The following CEP128 variants were observed in gnomAD, a reference collection of about 807,000 sequenced individuals.
The protein encoded by CEP128 is centrosomal protein 128, also known as centrosomal protein 128kDa.
In CEP128, 132 loss-of-function variants were observed where a neutral mutation model predicts 156.7. The observed-to-expected ratio is 0.84, with a 90% CI of 0.73 to 0.97. The LOEUF (loss-of-function observed/expected upper bound fraction) is 0.97. Ranked by LOEUF, CEP128 falls within the 50% of genes least tolerant of loss-of-function variation. The pLI is 0.00. For synonymous variants in CEP128, 469 were observed against 448.9 expected, an observed-to-expected ratio of 1.04 and a Z score of -0.57; for missense variants, 1,252 against 1,281.9, an observed-to-expected ratio of 0.98 and a Z score of 0.36.
intron 19 of CEP128, among the ~76,000 whole-genome samples, chr14:80,588,518 C>A (rs558160081): frequency 2.0e-5 from 3 of 152,042 alleles, no homozygotes; most frequent in Non-Finnish European, 2.9e-5. Context: ...ACATACAAAA[C>A]TTTTGACAGT....
chr14:80,631,057 T>C (rs1265843058), intron 19 of CEP128, among the ~76,000 whole-genome samples: 1 of 151,990 alleles, frequency 6.6e-6, no homozygotes, highest in South Asian at 2.1e-4. Flanking sequence ...TAATTCCACT[T>C]GGAGGAATGT....
chr14:80,647,430 T>C (rs891435795), intron 19 of CEP128, among the ~76,000 whole-genome samples: 1 of 152,002 alleles, frequency 6.6e-6, no homozygotes, highest in Admixed American at 6.6e-5. Flanking sequence ...CGTACATACA[T>C]GGTTTTGAAA....
chr14:80,536,092 A>G (rs1889470867), intron 21 of CEP128, among the ~76,000 whole-genome samples: 1 of 152,232 alleles, frequency 6.6e-6, no homozygotes, highest in African/African-American at 2.4e-5. Context: ...GTTCCACAGT[A>G]CATTTTTCCT....
Position 80,777,936 on chromosome 14 carries a change from C to A in CEP128, c.2322G>T (p.Glu774Asp). 1 of 1,611,004 alleles carries A rather than the reference C, an allele frequency of 6.2e-7. No individual in the cohort carries two copies. Among genetic ancestry groups the A allele is most frequent in the Non-Finnish European group, 8.5e-7 (1 of 1,178,390 alleles). Residue 774 changes from glutamate to aspartate, a missense_variant, in exon 16 of 25, where the codon GAG (glutamate) becomes GAT (aspartate). Coordinates refer to ENST00000555265, the MANE Select transcript of CEP128 (RefSeq NM_152446.5). ...GATATTTTAGCTTCAGTTTTTTGTT[C>A]TCATTTTCATTCTGGGTTAATTCCT... ...LTEELTQNEN[E>D]NKKLKLKYQC...
At chr14:80,853,487 T>C (rs1886996940) in intron 9 of CEP128, among the ~76,000 whole-genome samples, 1 of 149,964 alleles carries the variant, frequency 6.7e-6, no homozygotes, top group Non-Finnish European at 1.5e-5. Context: ...TACCCCTGTA[T>C]ACTAAAAATA....
rs71103882 is a variant in CEP128, at chr14:80,801,910, C to CAAAAAAAAAAAAAAAAAAAAAAAAA, written c.1210-8825_1210-8801dup. ...GTGACAGTGTGAGACTCTGTCTCCCCAAAAAAAAAAAAAAAAAAAAAAAAA... is the reference window on the plus strand; with the variant it reads ...GTGACAGTGTGAGACTCTGTCTCCCCAAAAAAAAAAAAAAAAAAAAAAAAAAAAAAAAAAAAAAAAAAAAAAAAAA... On this transcript the variant is annotated intron_variant, in intron 13 of 24. Coordinates refer to ENST00000555265, the MANE Select transcript of CEP128 (RefSeq NM_152446.5). 9.2e-5 allele frequency among the ~76,000 whole-genome samples: 4 copies of CAAAAAAAAAAAAAAAAAAAAAAAAA among 43,374 alleles called. 2 individuals carry two copies. The highest frequency in any genetic ancestry group is 2.3e-4 in the African/African-American group (2 of 8,772). The allele number at this position is 43,374 out of a possible 152,430, so 28.5% of individuals were successfully genotyped here.
At chr14:80,722,457 C>T (rs1221363914) in intron 19 of CEP128, among the ~76,000 whole-genome samples, 2 of 151,954 alleles carry the variant, frequency 1.3e-5, no homozygotes, top group Non-Finnish European at 2.9e-5. Context: ...AATCCATACA[C>T]ATATACACTA....
At chr14:80,553,974 G>C (rs1439106317) in intron 21 of CEP128, among the ~76,000 whole-genome samples, 1 of 152,128 alleles carries the variant, frequency 6.6e-6, no homozygotes, top group Non-Finnish European at 1.5e-5. Context: ...TCAGTGCTAA[G>C]GTGATTTACC....
intron 19 of CEP128, among the ~76,000 whole-genome samples, chr14:80,649,332 T>A (rs1460776102): frequency 6.6e-6 from 1 of 151,968 alleles, no homozygotes; most frequent in Non-Finnish European, 1.5e-5. Flanking sequence ...ACAATCTCAC[T>A]TGTTAAAGAA....
intron 19 of CEP128, among the ~76,000 whole-genome samples, chr14:80,601,366 G>T (rs1412782912): frequency 6.6e-6 from 1 of 152,060 alleles, no homozygotes; most frequent in Non-Finnish European, 1.5e-5. Context: ...CAATCTTTTG[G>T]CTTCCCTGGG....
At chr14:80,634,705 T>C (rs1188209372) in intron 19 of CEP128, among the ~76,000 whole-genome samples, 1 of 152,150 alleles carries the variant, frequency 6.6e-6, no homozygotes, top group Non-Finnish European at 1.5e-5. Flanking sequence ...CCCCCACTTT[T>C]CCCTATTCTC....
chr14:80,790,022 T>A (rs1432304275), intron 14 of CEP128, among the ~76,000 whole-genome samples: 1 of 152,118 alleles, frequency 6.6e-6, no homozygotes, highest in East Asian at 1.9e-4. Context: ...TTGGCACTGA[T>A]CCTTCTTACT....
At chr14:80,743,472 T>C (rs1010674420) in intron 18 of CEP128, among the ~76,000 whole-genome samples, 3 of 152,204 alleles carry the variant, frequency 2.0e-5, no homozygotes, top group Non-Finnish European at 2.9e-5. Context: ...ATGGTATTCG[T>C]AGATTTTTAA....
chr14:80,709,055 C>T (rs973347367), intron 19 of CEP128, among the ~76,000 whole-genome samples: 2 of 150,394 alleles, frequency 1.3e-5, no homozygotes, highest in East Asian at 2.0e-4. Context: ...TGGTAGCTCA[C>T]GCCTGTAATA....
intron 9 of CEP128, among the ~76,000 whole-genome samples, chr14:80,841,803 A>G (rs751562214): frequency 6.6e-6 from 1 of 151,984 alleles, no homozygotes; most frequent in Admixed American, 6.6e-5. Flanking sequence ...TTGAAATAAT[A>G]ATACCAAACT....
chr14:80,666,098 A>G (rs1895602252), intron 19 of CEP128, among the ~76,000 whole-genome samples: 1 of 152,226 alleles, frequency 6.6e-6, no homozygotes, highest in Admixed American at 6.5e-5. Context: ...TTACAACTCT[A>G]TTAAGCTGGT....
At chr14:80,582,805 T>A (rs1236895249) in intron 19 of CEP128, among the ~76,000 whole-genome samples, 1 of 152,110 alleles carries the variant, frequency 6.6e-6, no homozygotes, top group Non-Finnish European at 1.5e-5. Flanking sequence ...TGTGTTCCTA[T>A]GAGGATGTGG....
intron 19 of CEP128, among the ~76,000 whole-genome samples, chr14:80,600,205 G>A (rs1305824714): frequency 6.6e-6 from 1 of 152,142 alleles, no homozygotes; most frequent in Non-Finnish European, 1.5e-5. Flanking sequence ...TATTTGAAAA[G>A]ATAATTCCCA....
chr14:80,827,416 C>G (rs1227967518), intron 13 of CEP128, among the ~76,000 whole-genome samples: 1 of 152,158 alleles, frequency 6.6e-6, no homozygotes, highest in East Asian at 1.9e-4. Context: ...CAGAATGCCA[C>G]AACTCTGAAT....
Sources: allele counts gnomAD v4.1 joint callset (sites outside exome capture counted in the v4.1 genomes callset), GRCh38; gene constraint gnomAD v4.1.1; transcripts MANE v1.5; gene names NCBI Gene and HGNC (gene_info 2026-07-23, HGNC 2026-07-21).